HOPX: variants seen among roughly 807,000 people sequenced by gnomAD.
HOPX encodes the protein homeodomain-only protein.
A neutral mutation model predicts 11.8 loss-of-function variants in HOPX; 5 were observed. That is an observed-to-expected ratio of 0.43 (90% confidence interval 0.22 to 0.89). The LOEUF is 0.89. HOPX is among the 40% of genes least tolerant of loss of function. The pLI is 0.28. For synonymous variants in HOPX, 49 were observed against 49.7 expected (o/e 0.99, Z 0.06); for missense variants, 119 against 120.0 (o/e 0.99, Z 0.04).
chr4:56,678,029 A>T (rs191539338), intron 1 of HOPX, among the ~76,000 whole-genome samples: 2 of 151,762 alleles, frequency 1.3e-5, no homozygotes, highest in East Asian at 3.9e-4. Flanking sequence ...CATTAGCACA[A>T]TCCTTTAATA....
Position 56,655,902 on chromosome 4 carries a change from CA to C in HOPX, c.152del (p.Leu51ArgfsTer53), listed in dbSNP as rs764469539. ...GGCCTGCCTCGGCCGCGATGAGGCA[CA>C]GCGTGGTGGAATCCGGGTGCTTGTC... ...KVDKHPDSTT[L>X]CLIAAEAGLS... On this transcript the variant is annotated frameshift_variant, in exon 3 of 4. Coordinates refer to ENST00000420433, the MANE Select transcript of HOPX (RefSeq NM_032495.6). LOFTEE classifies it high-confidence loss of function. 1 of 1,612,020 alleles carries C rather than the reference CA, an allele frequency of 6.2e-7. No homozygotes were observed. The highest frequency in any genetic ancestry group is 1.1e-5 in the South Asian group (1 of 90,494).
chr4:56,661,104 G>A (rs932487602), intron 1 of HOPX, among the ~76,000 whole-genome samples: 5 of 152,076 alleles, frequency 3.3e-5, no homozygotes, highest in African/African-American at 7.2e-5. Context: ...GAGCCACTGC[G>A]TCCAGCCACT....
intron 1 of HOPX, among the ~76,000 whole-genome samples, chr4:56,661,161 CT>C (rs910667653): frequency 1.7e-4 from 26 of 151,412 alleles, no homozygotes; most frequent in Admixed American, 1.1e-3. Flanking sequence ...CCTAAAAGAA[CT>C]TTTTTTTTAG....
intron 3 of HOPX, among the ~76,000 whole-genome samples, chr4:56,653,522 A>G (rs1717404911): frequency 6.6e-6 from 1 of 152,190 alleles, no homozygotes. Flanking sequence ...GGGCAAGCAG[A>G]CAGCCTGTGG....
At chr4:56,669,066 G>C (rs1316364322) in intron 1 of HOPX, among the ~76,000 whole-genome samples, 2 of 152,164 alleles carry the variant, frequency 1.3e-5, no homozygotes, top group Non-Finnish European at 2.9e-5. Flanking sequence ...TCTTAATCTA[G>C]AAAAGTGAAG....
At chr4:56,656,527 G>T (rs1717760116) in intron 2 of HOPX, 1 of 970,616 alleles carries the variant, frequency 1.0e-6, no homozygotes, top group Non-Finnish European at 1.2e-6. Context: ...TGTCTCCGCA[G>T]TGGGTTGGCG....
At chr4:56,656,547 C>T in intron 2 of HOPX, 1 of 901,948 alleles carries the variant, frequency 1.1e-6, no homozygotes, top group Non-Finnish European at 1.3e-6. Context: ...GCTTTGGGGC[C>T]CTCTCCAGGC....
chr4:56,654,446 C>A (rs915646926), intron 3 of HOPX, among the ~76,000 whole-genome samples: 5 of 152,176 alleles, frequency 3.3e-5, no homozygotes, highest in African/African-American at 1.2e-4. Context: ...TCCATGATCA[C>A]TCCTCTTTTC....
chr4:56,672,169 A>G (rs1028231047), intron 1 of HOPX, among the ~76,000 whole-genome samples: 3 of 152,090 alleles, frequency 2.0e-5, no homozygotes, highest in African/African-American at 7.3e-5. Context: ...AGAACATTTC[A>G]TTTGCTTTTT....
At chr4:56,674,337 G>T (rs1718891886) in intron 1 of HOPX, among the ~76,000 whole-genome samples, 1 of 151,748 alleles carries the variant, frequency 6.6e-6, no homozygotes, top group South Asian at 2.1e-4. Context: ...TCTGGAAAGG[G>T]TTGATGGAGA....
intron 1 of HOPX, among the ~76,000 whole-genome samples, chr4:56,674,458 C>T (rs1718897724): frequency 6.6e-6 from 1 of 151,500 alleles, no homozygotes; most frequent in African/African-American, 2.4e-5. Context: ...CTGTCATGAC[C>T]TTAAGAATCC....
chr4:56,671,155 G>A (rs1718716561), intron 1 of HOPX, among the ~76,000 whole-genome samples: 1 of 152,018 alleles, frequency 6.6e-6, no homozygotes, highest in Non-Finnish European at 1.5e-5. Flanking sequence ...TAATTCTGGG[G>A]ATGTGACATC....
chr4:56,664,461 G>C (rs1718326283), intron 1 of HOPX: 1 of 152,026 alleles, frequency 6.6e-6, no homozygotes, highest in African/African-American at 2.4e-5. Context: ...ATAGCTATGA[G>C]CTAGGCTTTC....
intron 3 of HOPX, among the ~76,000 whole-genome samples, chr4:56,651,549 A>G (rs1717170490): frequency 6.6e-6 from 1 of 152,156 alleles, no homozygotes. Flanking sequence ...GAATGCCCTC[A>G]TTACCCTTGC....
intron 1 of HOPX, chr4:56,678,701 C>A (rs1719159280): frequency 6.6e-6 from 1 of 152,138 alleles, no homozygotes; most frequent in South Asian, 2.1e-4. Context: ...CCGCCTCAGC[C>A]TCTCAAAGTG....
intron 2 of HOPX, 51 bp from the exon 3 acceptor site, chr4:56,656,063 G>A: frequency 6.9e-7 from 1 of 1,459,750 alleles, no homozygotes; most frequent in Non-Finnish European, 9.1e-7. Context: ...GAGCGGGCGG[G>A]ACGCAGCGAA....
chr4:56,656,591 T>A (rs1387791714), intron 2 of HOPX: 4 of 478,044 alleles, frequency 8.4e-6, no homozygotes, highest in Non-Finnish European at 1.1e-5. Context: ...TCCAAAAAAG[T>A]TCCCCGCAAG....
At chr4:56,649,305 TAATC>T (rs1166487139) in intron 3 of HOPX, 3 of 152,356 alleles carry the variant, frequency 2.0e-5, no homozygotes, top group Admixed American at 6.5e-5. Flanking sequence ...AGTTAGAAAT[TAATC>T]AATATTTGCT....
At chr4:56,649,625 C>T (rs1008729424) in intron 3 of HOPX, 12 of 152,218 alleles carry the variant, frequency 7.9e-5, no homozygotes, top group African/African-American at 2.9e-4. Flanking sequence ...ATATTCACAC[C>T]TTACAGAAGT....
Sources: allele counts gnomAD v4.1 joint callset (sites outside exome capture counted in the v4.1 genomes callset), GRCh38; gene constraint gnomAD v4.1.1; transcripts MANE v1.5; gene names NCBI Gene and HGNC (gene_info 2026-07-23, HGNC 2026-07-21).